Variants in PSD3 observed in about 807,000 individuals in gnomAD.
PSD3 encodes PH and SEC7 domain-containing protein 3.
Under a neutral mutation model 105.5 loss-of-function variants are expected in PSD3, and 49 were observed. That is an observed-to-expected ratio of 0.46 (90% CI 0.37 to 0.59). The LOEUF is 0.59. Ranked by LOEUF, PSD3 falls within the 20% of genes least tolerant of loss-of-function variation. The pLI is 0.00. For missense variants in PSD3, 1,561 were observed against 1,263.8 expected, an observed-to-expected ratio of 1.24 and a Z score of -3.57; for synonymous variants, 557 against 457.8, an observed-to-expected ratio of 1.22 and a Z score of -2.77.
chr8:19,028,299 C>CCCCCCTT (rs1563517980), intron 1 of PSD3, among the ~76,000 whole-genome samples: 3 of 96,180 alleles, frequency 3.1e-5, no homozygotes, highest in African/African-American at 1.3e-4. Context: ...CCGGCCCACC[C>CCCCCCTT]TTTTTTTTTT....
At chr8:18,576,955 C>A (rs11784815) in intron 12 of PSD3, among the ~76,000 whole-genome samples, 41,337 of 150,010 alleles carry the variant, frequency 0.28, 6,749 homozygotes, top group East Asian at 0.45. Context: ...TCCCTATTTT[C>A]TTTGAATTAA....
chr8:18,692,241 C>T (rs1390272496), intron 9 of PSD3, among the ~76,000 whole-genome samples: 1 of 152,206 alleles, frequency 6.6e-6, no homozygotes, highest in African/African-American at 2.4e-5. Flanking sequence ...CCTCTTCCCA[C>T]TGAGCTGACA....
rs561778581 is a variant in PSD3, at chr8:18,528,798, C to T, written c.*6945G>A. On this transcript the variant is annotated 3_prime_UTR_variant, in exon 16 of 16. Coordinates refer to ENST00000327040, the MANE Select transcript of PSD3 (RefSeq NM_015310.4). ...CTCCAAAATTCTCTCCATTAACCAA[C>T]ATTTTCAGGAATTGAAGTTAGGGTG... 1 of 152,772 alleles carries T rather than the reference C, an allele frequency of 6.5e-6. No homozygotes were observed. The highest frequency in any genetic ancestry group is 2.4e-5 in the African/African-American group (1 of 41,572). 9.5% of individuals were successfully genotyped at this position (152,772 alleles called of 1,614,324 possible).
At chr8:18,958,119 G>T (rs1244630068) in intron 1 of PSD3, among the ~76,000 whole-genome samples, 1 of 152,020 alleles carries the variant, frequency 6.6e-6, no homozygotes, top group South Asian at 2.1e-4. Flanking sequence ...CAAGGGCCTG[G>T]CTAATATACA....
intron 11 of PSD3, among the ~76,000 whole-genome samples, chr8:18,626,587 T>C (rs890674905): frequency 2.8e-4 from 42 of 152,138 alleles, no homozygotes; most frequent in African/African-American, 9.2e-4. Flanking sequence ...TTTTTCTGTG[T>C]AGTGTAAATA....
intron 1 of PSD3, among the ~76,000 whole-genome samples, chr8:18,966,606 C>T (rs984955995): frequency 1.3e-5 from 2 of 150,488 alleles, no homozygotes; most frequent in Non-Finnish European, 3.0e-5. Flanking sequence ...CAAATAGAGT[C>T]ATTTTTAAAA....
intron 1 of PSD3, among the ~76,000 whole-genome samples, chr8:19,061,071 G>A (rs1828881264): frequency 6.6e-6 from 1 of 152,186 alleles, no homozygotes; most frequent in Non-Finnish European, 1.5e-5. Flanking sequence ...GCATCAGCCA[G>A]GTGCCAGCCT....
At chr8:19,005,712 C>T (rs1312658693) in intron 1 of PSD3, among the ~76,000 whole-genome samples, 1 of 151,920 alleles carries the variant, frequency 6.6e-6, no homozygotes, top group African/African-American at 2.4e-5. Context: ...TGGTCTCAAA[C>T]TCCTGAGCTC....
intron 11 of PSD3, among the ~76,000 whole-genome samples, chr8:18,604,696 G>C (rs1804682779): frequency 6.6e-6 from 1 of 152,200 alleles, no homozygotes; most frequent in Admixed American, 6.5e-5. Context: ...TCGAGGCCTA[G>C]GAGGGAAGAA....
chr8:18,732,637 T>C (rs182840876), intron 9 of PSD3, among the ~76,000 whole-genome samples: 155 of 152,314 alleles, frequency 1.0e-3, no homozygotes, highest in Non-Finnish European at 1.9e-3. Context: ...CTTCCTTACA[T>C]GGTGGCTCCG....
At chr8:18,862,934 T>A (rs560125770) in intron 4 of PSD3, among the ~76,000 whole-genome samples, 2 of 146,142 alleles carry the variant, frequency 1.4e-5, no homozygotes, top group Non-Finnish European at 1.5e-5. Context: ...AAATTCAGAG[T>A]GGGCTGAAGA....
intron 15 of PSD3, among the ~76,000 whole-genome samples, chr8:18,554,713 C>T (rs913113444): frequency 5.9e-5 from 9 of 152,160 alleles, no homozygotes; most frequent in East Asian, 3.9e-4. Context: ...GGAGGTATTA[C>T]GGAATCCGCT....
intron 8 of PSD3, among the ~76,000 whole-genome samples, chr8:18,791,936 A>T (rs1156699861): frequency 6.6e-6 from 1 of 152,244 alleles, no homozygotes; most frequent in Non-Finnish European, 1.5e-5. Flanking sequence ...ACTTCTCAAA[A>T]GACATATATG....
intron 8 of PSD3, among the ~76,000 whole-genome samples, chr8:18,776,280 A>AAT (rs938057425): frequency 2.7e-4 from 38 of 142,140 alleles, no homozygotes; most frequent in Admixed American, 6.9e-4. Flanking sequence ...ATAATGTATA[A>AAT]ATATATATAT....
intron 4 of PSD3, among the ~76,000 whole-genome samples, chr8:18,825,879 T>C (rs1419989344): frequency 6.6e-6 from 1 of 152,156 alleles, no homozygotes. Context: ...AGCAAAAAGG[T>C]CCTGGGATGG....
intron 2 of PSD3, among the ~76,000 whole-genome samples, chr8:18,914,110 C>T (rs1820420339): frequency 6.6e-6 from 1 of 151,724 alleles, no homozygotes; most frequent in African/African-American, 2.4e-5. Flanking sequence ...CAAGCCTACA[C>T]ACATTCCCTT....
chr8:18,799,175 C>T, intron 8 of PSD3, 120 bp downstream of exon 8: 1 of 844,252 alleles, frequency 1.2e-6, no homozygotes, highest in Non-Finnish European at 2.0e-6. Flanking sequence ...TTTTATTCAC[C>T]TGCCATGGGA....
chr8:18,874,911 T>C lies in PSD3; in HGVS notation c.131-2178A>G, dbSNP rs1032648718. Among the ~76,000 whole-genome samples the C allele has an allele frequency of 1.3e-5, 2 of 152,104 alleles. 1 individual carries two copies. Among genetic ancestry groups the C allele is most frequent in the Non-Finnish European group, 2.9e-5 (2 of 68,018 alleles). On this transcript the variant is annotated intron_variant, in intron 2 of 15. Coordinates refer to ENST00000327040, the MANE Select transcript of PSD3 (RefSeq NM_015310.4). ...CCATGTTGTAAAATAATTTGAAATA[T>C]ATACACTTTTTTCTCTTTTTTAAAG...
intron 9 of PSD3, among the ~76,000 whole-genome samples, chr8:18,752,711 T>C (rs1163578491): frequency 8.1e-6 from 1 of 122,916 alleles, no homozygotes; most frequent in Non-Finnish European, 1.6e-5. Context: ...ATATAATATA[T>C]ATATATTTTT....
Sources: allele counts gnomAD v4.1 joint callset (sites outside exome capture counted in the v4.1 genomes callset), GRCh38; gene constraint gnomAD v4.1.1; transcripts MANE v1.5; gene names NCBI Gene and HGNC (gene_info 2026-07-23, HGNC 2026-07-21).